The following PGM5 variants were observed in gnomAD, a reference collection of about 807,000 sequenced individuals.
PGM5 encodes phosphoglucomutase 5, also known as phosphoglucomutase-like protein 5.
A neutral mutation model predicts 59.2 loss-of-function variants in PGM5; 23 were observed. The observed-to-expected ratio is 0.39, with a 90% CI of 0.28 to 0.55. The LOEUF is 0.55. PGM5 is among the 20% of genes least tolerant of loss of function. The pLI is 0.66. For synonymous variants in PGM5, 214 were observed against 286.0 expected (o/e 0.75, Z 2.54); for missense variants, 574 against 748.3 (o/e 0.77, Z 2.72).
intron 6 of PGM5, 108 bp downstream of exon 6, chr9:68,392,581 T>G: frequency 6.5e-7 from 1 of 1,532,480 alleles, no homozygotes; most frequent in South Asian, 1.3e-5. Flanking sequence ...GGGAATGCGT[T>G]GAAAGCATGG....
intron 7 of PGM5, among the ~76,000 whole-genome samples, chr9:68,477,234 G>A (rs1160682241): frequency 4.6e-5 from 7 of 152,190 alleles, no homozygotes; most frequent in Admixed American, 2.0e-4. Flanking sequence ...TTAGCAGACC[G>A]TTGATCAGTG....
intron 7 of PGM5, among the ~76,000 whole-genome samples, chr9:68,475,548 T>G (rs1824090314): frequency 6.6e-6 from 1 of 152,056 alleles, no homozygotes; most frequent in African/African-American, 2.4e-5. Flanking sequence ...TCTTTTTTAG[T>G]AAACTGATTT....
At chr9:68,464,992 A>C in intron 6 of PGM5, 101 bp from the exon 7 acceptor site, 1 of 668,056 alleles carries the variant, frequency 1.5e-6, no homozygotes, top group Non-Finnish European at 2.6e-6. Context: ...TCTGAAATCT[A>C]GCTATGGATT....
intron 6 of PGM5, among the ~76,000 whole-genome samples, chr9:68,438,344 T>C (rs145933026): frequency 6.7e-6 from 1 of 149,388 alleles, no homozygotes; most frequent in East Asian, 2.0e-4. Context: ...AGGTAATCTG[T>C]AGCTGTTTGA....
At chr9:68,439,884 G>C (rs1823500171) in intron 6 of PGM5, among the ~76,000 whole-genome samples, 1 of 152,010 alleles carries the variant, frequency 6.6e-6, no homozygotes, top group Admixed American at 6.6e-5. Context: ...TTAAAGTTTT[G>C]TAGAAACTCC....
chr9:68,499,399 A>C (rs1824534638), intron 10 of PGM5, 38 bp downstream of exon 10: 1 of 1,598,314 alleles, frequency 6.3e-7, no homozygotes, highest in African/African-American at 1.3e-5. Flanking sequence ...TGTGTCTCGC[A>C]GCTCCTGGCA....
At chr9:68,507,878 G>A (rs970911435) in intron 10 of PGM5, among the ~76,000 whole-genome samples, 1 of 152,072 alleles carries the variant, frequency 6.6e-6, no homozygotes, top group Admixed American at 6.5e-5. Context: ...TTTCCCTGGA[G>A]CTGAGAACAC....
chr9:68,467,000 A>C (rs1244678339), intron 7 of PGM5, among the ~76,000 whole-genome samples: 1 of 152,152 alleles, frequency 6.6e-6, no homozygotes, highest in East Asian at 1.9e-4. Context: ...CCTGGGGATG[A>C]GAAGGTTTTT....
intron 2 of PGM5, among the ~76,000 whole-genome samples, chr9:68,380,093 A>G (rs1554678199): frequency 2.0e-5 from 3 of 151,724 alleles, no homozygotes; most frequent in Admixed American, 6.6e-5. Flanking sequence ...ACTATACTTC[A>G]GACCAAATGG....
At chr9:68,507,486 A>G (rs1824676168) in intron 10 of PGM5, among the ~76,000 whole-genome samples, 1 of 152,192 alleles carries the variant, frequency 6.6e-6, no homozygotes. Flanking sequence ...TTGCCTACAT[A>G]TATTCAAATA....
At chr9:68,445,974 AT>A (rs1278709237) in intron 6 of PGM5, among the ~76,000 whole-genome samples, 43 of 152,334 alleles carry the variant, frequency 2.8e-4, no homozygotes, top group Admixed American at 8.5e-4. Context: ...GTGAAGGAAT[AT>A]TTTTTATGTG....
chr9:68,451,913 G>C (rs1554684352), intron 6 of PGM5, among the ~76,000 whole-genome samples: 1 of 152,230 alleles, frequency 6.6e-6, no homozygotes, highest in African/African-American at 2.4e-5. Flanking sequence ...TATTTATTAT[G>C]ACAGCGCTTC....
rs11142302 is a variant in PGM5 at position 68,422,814 on chromosome 9, G to A, written c.1043+30341G>A. On this transcript the variant is annotated intron_variant, in intron 6 of 10. Transcript: ENST00000396396. ...TAGTGGTGATTTGTGAGATTTTGGT[G>A]CACCCATCACCTGAGCAGTACACAG... Among the ~76,000 whole-genome samples the A allele has an allele frequency of 5.9e-3, 894 of 152,202 alleles. 6 individuals carry two copies. The highest frequency in any genetic ancestry group is 9.5e-3 in the Non-Finnish European group (643 of 67,996).
intron 6 of PGM5, among the ~76,000 whole-genome samples, chr9:68,411,063 T>C (rs1390948254): frequency 6.6e-6 from 1 of 152,192 alleles, no homozygotes; most frequent in Middle Eastern, 3.2e-3. Flanking sequence ...TTATGTGTCT[T>C]TTTAAAGTCA....
Position 68,357,405 on chromosome 9 carries a change from C to G in PGM5, c.261+17C>G. 6.4e-7 allele frequency: 1 copy of G among 1,552,850 alleles called. No homozygotes were observed. Among genetic ancestry groups the G allele is most frequent in the East Asian group, 2.4e-5 (1 of 41,254 alleles). On this transcript the variant is annotated intron_variant, in intron 1 of 10. Transcript: ENST00000396396. Reference sequence around the variant, plus strand: ...GCCAACGGGGTGAGTGTCCGGATGCCCCTCGCTTCCCGCCGCGCCGCCGCC... The same window carrying G: ...GCCAACGGGGTGAGTGTCCGGATGCGCCTCGCTTCCCGCCGCGCCGCCGCC...
At chr9:68,387,209 T>C (rs868973142) in intron 3 of PGM5, among the ~76,000 whole-genome samples, 9 of 152,158 alleles carry the variant, frequency 5.9e-5, no homozygotes, top group Middle Eastern at 6.8e-3. Flanking sequence ...GTTGATATTT[T>C]CCTTGCAAAG....
intron 6 of PGM5, among the ~76,000 whole-genome samples, chr9:68,401,919 GTGTGTGTGTGTATA>G (rs1563994886): frequency 8.2e-5 from 11 of 133,574 alleles, no homozygotes; most frequent in African/African-American, 3.2e-4. Flanking sequence ...GTGTGTGTGT[GTGTGTGTGTGTATA>G]TATTTGTCAA....
intron 6 of PGM5, among the ~76,000 whole-genome samples, chr9:68,443,429 G>T (rs1587811877): frequency 2.0e-5 from 2 of 100,750 alleles, no homozygotes; most frequent in East Asian, 5.6e-4. Context: ...CCTGATTGTT[G>T]TGCTAGTTCC....
chr9:68,461,669 AG>A (rs1260027882), intron 6 of PGM5, among the ~76,000 whole-genome samples: 1 of 152,168 alleles, frequency 6.6e-6, no homozygotes, highest in Non-Finnish European at 1.5e-5. Flanking sequence ...ATGTGCAGCA[AG>A]AAGGCCTTCA....
Sources: allele counts gnomAD v4.1 joint callset (sites outside exome capture counted in the v4.1 genomes callset), GRCh38; gene constraint gnomAD v4.1.1; transcripts MANE v1.5; gene names NCBI Gene and HGNC (gene_info 2026-07-23, HGNC 2026-07-21).